The following NFATC2 variants were observed in gnomAD, a reference collection of about 807,000 sequenced individuals.
NFATC2 encodes nuclear factor of activated T cells 2.
A neutral mutation model predicts 87.3 loss-of-function variants in NFATC2; 22 were observed. That is an observed-to-expected ratio of 0.25 (90% CI 0.18 to 0.36). The LOEUF (loss-of-function observed/expected upper bound fraction) is 0.36. NFATC2 is among the 10% of genes least tolerant of loss of function. The pLI is 1.00. For synonymous variants in NFATC2, 565 were observed against 542.2 expected (o/e 1.04, Z -0.58); for missense variants, 1,149 against 1,259.1 (o/e 0.91, Z 1.32).
intron 9 of NFATC2, among the ~76,000 whole-genome samples, chr20:51,429,638 G>A (rs150602811): frequency 1.1e-4 from 16 of 152,316 alleles, no homozygotes; most frequent in African/African-American, 3.6e-4. Context: ...CGTGCGATGC[G>A]CTCTCCTTTG....
intron 9 of NFATC2, among the ~76,000 whole-genome samples, chr20:51,406,232 A>G (rs1820615008): frequency 6.6e-6 from 1 of 152,216 alleles, no homozygotes; most frequent in Admixed American, 6.5e-5. Flanking sequence ...CTACTTGTAG[A>G]TAGAAATTCG....
chr20:51,540,194 G>A (rs1190370628), intron 1 of NFATC2, among the ~76,000 whole-genome samples: 2 of 152,092 alleles, frequency 1.3e-5, no homozygotes, highest in African/African-American at 2.4e-5. Flanking sequence ...TGTATTTTTA[G>A]TAGAGTTGGG....
intron 3 of NFATC2, among the ~76,000 whole-genome samples, chr20:51,500,822 CCCTCACCCCCACCCCCACCCTCACCCT>C (rs2076077008): frequency 7.0e-4 from 1 of 1,436 alleles, no homozygotes; most frequent in Non-Finnish European, 1.5e-3. Context: ...ACACTCACCA[CCCTCACCCCCACCCCCACCCTCACCCT>C]CCCAGGCAGT....
chr20:51,516,621 A>G (rs549262811), intron 3 of NFATC2, among the ~76,000 whole-genome samples, 163 bp downstream of exon 3: 1 of 152,354 alleles, frequency 6.6e-6, no homozygotes, highest in African/African-American at 2.4e-5. Context: ...GAGTAGCTGG[A>G]TTAGCTTCTA....
intron 10 of NFATC2, among the ~76,000 whole-genome samples, chr20:51,392,031 G>A (rs1462379800): frequency 6.6e-6 from 1 of 152,242 alleles, no homozygotes. Flanking sequence ...CATAGGGCAT[G>A]TTTGAAGTAA....
At chr20:51,396,036 ATG>A (rs1568921927) in intron 10 of NFATC2, among the ~76,000 whole-genome samples, 1,560 of 14,724 alleles carry the variant, frequency 0.11, 72 homozygotes, top group African/African-American at 0.4. Flanking sequence ...AGCTCCTAGT[ATG>A]TATATATATA....
chr20:51,523,825 T>G lies in NFATC2; in HGVS notation c.416A>C (p.Gln139Pro). The change falls in exon 2 of 11, where the codon CAG (glutamine) becomes CCG (proline). Residue 139 changes from glutamine (Q) to proline (P), a missense_variant. Coordinates refer to ENST00000371564, the MANE Select transcript of NFATC2 (RefSeq NM_012340.5). This position sits in a 1 kb window ranked among gnomAD's most constrained non-coding sequence, Gnocchi z 6.9. Reference sequence around the variant, plus strand: ...GGCGGCCACCCCGGCCAGGGGCGGCTGCTCCACCAGGAGGCCCGCGTCTCT... The same window carrying G: ...GGCGGCCACCCCGGCCAGGGGCGGCGGCTCCACCAGGAGGCCCGCGTCTCT... Reference protein sequence around the residue: ...RMRDAGLLVEQPPLAGVAASP... With the variant: ...RMRDAGLLVEPPPLAGVAASP... 1 of 1,610,244 alleles carries G rather than the reference T, an allele frequency of 6.2e-7. No individual in the cohort carries two copies. Among genetic ancestry groups the G allele is most frequent in the Non-Finnish European group, 8.5e-7 (1 of 1,178,306 alleles).
intron 1 of NFATC2, among the ~76,000 whole-genome samples, chr20:51,533,390 C>T (rs892643986): frequency 4.6e-5 from 7 of 152,248 alleles, no homozygotes; most frequent in Non-Finnish European, 2.9e-5. Flanking sequence ...CATACACCAC[C>T]TAACAGTAAG....
At chr20:51,393,688 G>A (rs766382822) in intron 10 of NFATC2, among the ~76,000 whole-genome samples, 9 of 152,128 alleles carry the variant, frequency 5.9e-5, no homozygotes, top group African/African-American at 9.7e-5. Context: ...CCAAATGCCC[G>A]GGGCAGGTGG....
intron 5 of NFATC2, among the ~76,000 whole-genome samples, chr20:51,466,782 A>C (rs1226546572): frequency 6.6e-6 from 1 of 151,798 alleles, no homozygotes; most frequent in Non-Finnish European, 1.5e-5. Flanking sequence ...ATAAAAAGAC[A>C]CTCCCTGGGC....
At position 51,562,181 on chromosome 20, in the gene NFATC2, T is replaced by C. The variant is rs2077038505; in HGVS notation, c.70+379A>G. On this transcript the variant is annotated intron_variant, in intron 1 of 10. Coordinates refer to the NFATC2 transcript ENST00000414705. The surrounding 1 kb of genome is among the most constrained non-coding windows in gnomAD (Gnocchi z 5.8). Reference sequence around the variant, plus strand: ...GAAAAAAAAGTAATAATAATAATACTGCAGCGTTATGGCATTTGCTGTCAA... The same window carrying C: ...GAAAAAAAAGTAATAATAATAATACCGCAGCGTTATGGCATTTGCTGTCAA... Among the ~76,000 whole-genome samples the C allele has an allele frequency of 6.6e-6, 1 of 152,232 alleles. No individual in the cohort carries two copies. The highest frequency in any genetic ancestry group is 6.5e-5 in the Admixed American group (1 of 15,294).
intron 5 of NFATC2, among the ~76,000 whole-genome samples, chr20:51,463,713 G>A (rs987882487): frequency 5.3e-5 from 8 of 152,138 alleles, no homozygotes; most frequent in African/African-American, 1.2e-4. Context: ...GCCTGCAGGC[G>A]CCCACACCCT....
chr20:51,406,520 T>C (rs1045237438), intron 9 of NFATC2, among the ~76,000 whole-genome samples: 4 of 152,210 alleles, frequency 2.6e-5, no homozygotes. Flanking sequence ...GAAATGGTGC[T>C]GGTGTATTAC....
At chr20:51,552,690 T>C (rs1453869201) in intron 1 of NFATC2, among the ~76,000 whole-genome samples, 1 of 152,172 alleles carries the variant, frequency 6.6e-6, no homozygotes, top group Non-Finnish European at 1.5e-5. Context: ...TGTAGGAAGA[T>C]GCCCCATTTG....
intron 1 of NFATC2, among the ~76,000 whole-genome samples, chr20:51,551,191 A>G (rs2076929798): frequency 6.6e-6 from 1 of 152,234 alleles, no homozygotes; most frequent in South Asian, 2.1e-4. Context: ...GAGAGGTAAA[A>G]TGAAAGAGGG....
At chr20:51,450,089 A>G (rs1461887885) in intron 6 of NFATC2, among the ~76,000 whole-genome samples, 1 of 152,254 alleles carries the variant, frequency 6.6e-6, no homozygotes, top group Non-Finnish European at 1.5e-5. Flanking sequence ...CCCAACGTGT[A>G]TAATCTCATT....
At chr20:51,441,747 A>T (rs1322082100) in intron 6 of NFATC2, among the ~76,000 whole-genome samples, 1 of 151,850 alleles carries the variant, frequency 6.6e-6, no homozygotes, top group Non-Finnish European at 1.5e-5. Flanking sequence ...TAAAGTTAAT[A>T]TTACTGAACT....
At chr20:51,448,881 AATC>A (rs950025867) in intron 6 of NFATC2, among the ~76,000 whole-genome samples, 12 of 152,138 alleles carry the variant, frequency 7.9e-5, no homozygotes, top group African/African-American at 2.7e-4. Context: ...ATAATATAAT[AATC>A]ATTATTATTA....
chr20:51,560,687 G>A (rs963111644), intron 1 of NFATC2, among the ~76,000 whole-genome samples: 1 of 152,130 alleles, frequency 6.6e-6, no homozygotes, highest in Non-Finnish European at 1.5e-5. Context: ...ACCAAGTGTG[G>A]TTCGCCTGGA....
Sources: allele counts gnomAD v4.1 joint callset (sites outside exome capture counted in the v4.1 genomes callset), GRCh38; gene constraint gnomAD v4.1.1; non-coding constraint Gnocchi (gnomAD v3.1); transcripts MANE v1.5; gene names NCBI Gene and HGNC (gene_info 2026-07-23, HGNC 2026-07-21).